ZFHX3: variants seen among roughly 807,000 people sequenced by gnomAD.
The protein encoded by ZFHX3 is zinc finger homeobox 3.
In ZFHX3, 42 loss-of-function variants were observed where a neutral mutation model predicts 279.1. That is an observed-to-expected ratio of 0.15 (90% CI 0.12 to 0.19). The LOEUF (loss-of-function observed/expected upper bound fraction) is 0.19. Ranked by LOEUF, ZFHX3 falls within the 10% of genes least tolerant of loss-of-function variation. The pLI is 1.00. For missense variants in ZFHX3, 4,981 were observed against 4,754.0 expected, an observed-to-expected ratio of 1.05 and a Z score of -1.40; for synonymous variants, 2,293 against 1,957.8, an observed-to-expected ratio of 1.17 and a Z score of -4.52.
intron 5 of ZFHX3, among the ~76,000 whole-genome samples, chr16:73,185,055 G>A (rs1967881331): frequency 6.6e-6 from 1 of 151,192 alleles, no homozygotes; most frequent in Admixed American, 6.6e-5. Context: ...ATAGCTCACT[G>A]CAGCCTTGAC....
At chr16:73,175,364 A>G (rs1263081955) in intron 5 of ZFHX3, among the ~76,000 whole-genome samples, 1 of 151,036 alleles carries the variant, frequency 6.6e-6, no homozygotes, top group Non-Finnish European at 1.5e-5. Flanking sequence ...TAGGCAACAG[A>G]GAGAGACTAT....
chr16:73,532,682 T>C (rs535846114), intron 2 of ZFHX3, among the ~76,000 whole-genome samples: 1 of 152,212 alleles, frequency 6.6e-6, no homozygotes, highest in South Asian at 2.1e-4. Flanking sequence ...CTTATTGTAA[T>C]GGGAATAATA....
At chr16:73,725,351 CAT>C (rs377500305) in intron 1 of ZFHX3, among the ~76,000 whole-genome samples, 6 of 152,168 alleles carry the variant, frequency 3.9e-5, no homozygotes, top group African/African-American at 1.4e-4. Context: ...GGGAGGGAGA[CAT>C]GTGTCGGGGC....
intron 2 of ZFHX3, among the ~76,000 whole-genome samples, chr16:73,618,308 T>C (rs892289660): frequency 1.3e-5 from 2 of 152,186 alleles, no homozygotes; most frequent in African/African-American, 2.4e-5. Context: ...CATCCTGTGA[T>C]TGGAAAATTC....
chr16:73,725,543 G>GTC (rs2053511772), intron 1 of ZFHX3, among the ~76,000 whole-genome samples: 1 of 127,506 alleles, frequency 7.8e-6, no homozygotes, highest in African/African-American at 3.2e-5. Context: ...GTGAGTGAGT[G>GTC]TGTGTGTGTG....
intron 1 of ZFHX3, among the ~76,000 whole-genome samples, chr16:73,732,989 G>A (rs570787654): frequency 6.6e-6 from 1 of 152,322 alleles, no homozygotes; most frequent in African/African-American, 2.4e-5. Flanking sequence ...GTCCTTTAGT[G>A]TATGGTGAAG....
At chr16:73,227,319 C>T (rs935900267) in intron 5 of ZFHX3, among the ~76,000 whole-genome samples, 1 of 152,082 alleles carries the variant, frequency 6.6e-6, no homozygotes, top group East Asian at 1.9e-4. Flanking sequence ...GGAGAGATGA[C>T]GCTGATTTAT....
At chr16:73,288,056 C>T (rs935329019) in intron 4 of ZFHX3, among the ~76,000 whole-genome samples, 1 of 152,032 alleles carries the variant, frequency 6.6e-6, no homozygotes, top group Admixed American at 6.6e-5. Flanking sequence ...TGCCTGTGCC[C>T]CCATTAATGC....
intron 1 of ZFHX3, among the ~76,000 whole-genome samples, chr16:73,817,578 C>A (rs190263223): frequency 6.6e-6 from 1 of 152,156 alleles, no homozygotes; most frequent in African/African-American, 2.4e-5. Flanking sequence ...TTTACCTGCT[C>A]GGTCTGCAAA....
At chr16:73,312,734 G>C (rs184246552) in intron 4 of ZFHX3, among the ~76,000 whole-genome samples, 4 of 152,182 alleles carry the variant, frequency 2.6e-5, no homozygotes, top group Admixed American at 2.6e-4. Context: ...TCCAGATGAG[G>C]AAATACAGGC....
intron 4 of ZFHX3, among the ~76,000 whole-genome samples, chr16:72,841,890 C>A (rs962057765): frequency 9.9e-5 from 15 of 152,158 alleles, no homozygotes; most frequent in African/African-American, 3.4e-4. Context: ...AGACTCACAC[C>A]CCATCCTGTT....
chr16:73,759,208 A>G (rs2053839553), intron 1 of ZFHX3, among the ~76,000 whole-genome samples: 1 of 152,328 alleles, frequency 6.6e-6, no homozygotes, highest in African/African-American at 2.4e-5. Flanking sequence ...TTTATTGGCA[A>G]TTAAGATCCT....
chr16:72,899,255 C>G (rs8055341), intron 3 of ZFHX3, among the ~76,000 whole-genome samples: 21,652 of 152,090 alleles, frequency 0.14, 2,660 homozygotes, highest in African/African-American at 0.34. Flanking sequence ...TGGTAGGGAT[C>G]TGGTGGGAGG....
At chr16:73,619,008 A>G (rs1417687060) in intron 2 of ZFHX3, among the ~76,000 whole-genome samples, 2 of 152,174 alleles carry the variant, frequency 1.3e-5, no homozygotes, top group Non-Finnish European at 2.9e-5. Flanking sequence ...CATATTTTAA[A>G]TCAGGAACAT....
chr16:73,521,095 T>G (rs2019601153), intron 2 of ZFHX3, among the ~76,000 whole-genome samples: 1 of 152,294 alleles, frequency 6.6e-6, no homozygotes, highest in Non-Finnish European at 1.5e-5. Context: ...AAATCTCAAA[T>G]AGCCACCTGA....
intron 3 of ZFHX3, among the ~76,000 whole-genome samples, chr16:72,918,607 T>TATGATA (rs1339360334): frequency 3.3e-5 from 5 of 152,062 alleles, no homozygotes; most frequent in Admixed American, 3.3e-4. Context: ...GGATGGGCTT[T>TATGATA]ATGATAATTA....
chr16:72,789,059 C>T (rs2035589481), intron 9 of ZFHX3: 1 of 464,994 alleles, frequency 2.2e-6, no homozygotes. Flanking sequence ...GGTCAGCTCC[C>T]ATACTTCCCC....
At chr16:73,653,159 C>T (rs776536881) in intron 2 of ZFHX3, among the ~76,000 whole-genome samples, 14 of 152,130 alleles carry the variant, frequency 9.2e-5, no homozygotes, top group Non-Finnish European at 1.9e-4. Flanking sequence ...TTAATCTACA[C>T]TTGTCTTGCT....
At chr16:73,303,986 A>G (rs913954536) in intron 4 of ZFHX3, among the ~76,000 whole-genome samples, 5 of 147,868 alleles carry the variant, frequency 3.4e-5, no homozygotes, top group Non-Finnish European at 6.0e-5. Context: ...AAAAAAAAAA[A>G]AAAAGAAATG....
Sources: allele counts gnomAD v4.1 joint callset (sites outside exome capture counted in the v4.1 genomes callset), GRCh38; gene constraint gnomAD v4.1.1; transcripts MANE v1.5; gene names NCBI Gene and HGNC (gene_info 2026-07-23, HGNC 2026-07-21).